The following SEL1L variants were observed in gnomAD, a reference collection of about 807,000 sequenced individuals.
The protein encoded by SEL1L is SEL1L adaptor subunit of SYVN1 ubiquitin ligase.
In SEL1L, 52 loss-of-function variants were observed where a neutral mutation model predicts 109.8. The ratio of observed to expected loss-of-function variants is 0.47; its 90% CI spans 0.38 to 0.60. SEL1L has a LOEUF of 0.60. Ranked by LOEUF, SEL1L falls within the 20% of genes least tolerant of loss-of-function variation. The pLI, the probability that SEL1L is intolerant of heterozygous loss-of-function variation, is 0.00. For missense variants in SEL1L, 749 were observed against 962.2 expected (o/e 0.78, Z 2.93); for synonymous variants, 373 against 339.6 (o/e 1.10, Z -1.08).
rs2140012789 is a variant in SEL1L at position 81,499,611 on chromosome 14, T to C, written c.829A>G (p.Lys277Glu). ...CAATAAAGTTTTAATAGTATTACCT[T>C]TGCCTGACTTGAATTAACACCAAGT... ...SGLGVNSSQA[K>E]ALVYYTFGAL... Residue 277 changes from lysine (K) to glutamate (E), a missense_variant and splice_region_variant, in exon 7 of 21, where the codon AAG becomes GAG. This residue lies in a region of SEL1L where 366 missense variants were observed against 399.8 expected (regional missense o/e 0.92). Coordinates refer to ENST00000336735, the MANE Select transcript of SEL1L (RefSeq NM_005065.6). 6.2e-7 allele frequency: 1 copy of C among 1,611,060 alleles called. No homozygotes were observed. The highest frequency in any genetic ancestry group is 8.5e-7 in the Non-Finnish European group (1 of 1,179,438).
chr14:81,497,571 G>A (rs930311398), intron 10 of SEL1L, among the ~76,000 whole-genome samples: 1 of 152,176 alleles, frequency 6.6e-6, no homozygotes, highest in Non-Finnish European at 1.5e-5. Flanking sequence ...GGTGACTCCA[G>A]TAACAGCCTT....
chr14:81,481,008 C>T (rs1441946644), intron 19 of SEL1L, among the ~76,000 whole-genome samples: 2 of 151,850 alleles, frequency 1.3e-5, no homozygotes, highest in African/African-American at 4.8e-5. Flanking sequence ...GGTGTAGAAA[C>T]CTCAGGGGCT....
intron 2 of SEL1L, 88 bp from the exon 3 acceptor site, chr14:81,527,052 A>G (rs1421808207): frequency 4.3e-6 from 4 of 923,710 alleles, no homozygotes; most frequent in Non-Finnish European, 6.9e-6. Context: ...TCCAGATATC[A>G]CATCTCCTTC....
chr14:81,472,576 A>C lies in SEL1L; in HGVS notation c.*4396T>G. The stretch of plus-strand genomic sequence containing the variant: ...CGTGTCTCTGCAAGTCCTCTTAAAA[A>C]ATTCCTGGGACAAGGCAATGCATAA... On this transcript the variant is annotated 3_prime_UTR_variant, in exon 21 of 21. Coordinates refer to ENST00000336735, the MANE Select transcript of SEL1L (RefSeq NM_005065.6). 2.2e-6 allele frequency: 1 copy of C among 457,912 alleles called. No individual in the cohort carries two copies. The highest frequency in any genetic ancestry group is 4.4e-6 in the Non-Finnish European group (1 of 229,624). The allele number at this position is 457,912 out of a possible 1,614,324, so 28.4% of individuals were successfully genotyped here.
chr14:81,494,696 TC>T (rs774300498), intron 11 of SEL1L, among the ~76,000 whole-genome samples: 3 of 152,222 alleles, frequency 2.0e-5, no homozygotes, highest in Non-Finnish European at 4.4e-5. Flanking sequence ...ACAGAAGTCT[TC>T]CCTGGCAAGC....
At chr14:81,509,988 G>A (rs544288756) in intron 3 of SEL1L, among the ~76,000 whole-genome samples, 40 of 152,318 alleles carry the variant, frequency 2.6e-4, no homozygotes, top group African/African-American at 8.9e-4. Flanking sequence ...CCGGGGCATC[G>A]TCAACACGGA....
At position 81,479,609 on chromosome 14, in the gene SEL1L, T is replaced by TA. The variant is rs756129826; in HGVS notation, c.2175+2dup. ...TTAATGAAAAGAGGTACGGACCACT[T>TA]ACGTTTGTTTCCCGTATGTACTGCA... On this transcript the variant is annotated splice_region_variant and intron_variant, in intron 20 of 20. Transcript: ENST00000336735. 1 of 1,604,634 alleles carries TA rather than the reference T, an allele frequency of 6.2e-7. No homozygotes were observed. The highest frequency in any genetic ancestry group is 8.5e-7 in the Non-Finnish European group (1 of 1,176,980).
rs1595497613 is a variant in SEL1L, at chr14:81,475,054, A to G, written c.*1918T>C. 2 of 152,224 alleles carry G rather than the reference A, an allele frequency of 1.3e-5. No homozygotes were observed. The highest frequency in any genetic ancestry group is 1.3e-4 in the Admixed American group (2 of 15,276). The allele number at this position is 152,224 out of a possible 1,614,324, so 9.4% of individuals were successfully genotyped here. On this transcript the variant is annotated 3_prime_UTR_variant, in exon 21 of 21. Coordinates refer to ENST00000336735, the MANE Select transcript of SEL1L (RefSeq NM_005065.6). Reference sequence around the variant, plus strand: ...TGGTTTTTCAACTTTTAAATAAATTATAACAGTTCCTTCTAAAGGAAGTGT... The same window carrying G: ...TGGTTTTTCAACTTTTAAATAAATTGTAACAGTTCCTTCTAAAGGAAGTGT...
intron 12 of SEL1L, 67 bp downstream of exon 12, chr14:81,492,413 C>T (rs762578147): frequency 1.4e-5 from 16 of 1,124,772 alleles, no homozygotes; most frequent in Non-Finnish European, 1.9e-5. Flanking sequence ...AGATCCTGAA[C>T]ACAATACATG....
chr14:81,504,180 G>A, intron 5 of SEL1L, 21 bp downstream of exon 5: 1 of 1,460,630 alleles, frequency 6.8e-7, no homozygotes, highest in Non-Finnish European at 9.4e-7. Flanking sequence ...GGGGAAAAGT[G>A]GACTTAGCAG....
At position 81,533,843 on chromosome 14, in the gene SEL1L, T is replaced by G. The variant is rs1487832484; in HGVS notation, c.-99A>C. On this transcript the variant is annotated 5_prime_UTR_variant, in exon 1 of 21. Coordinates refer to ENST00000336735, the MANE Select transcript of SEL1L (RefSeq NM_005065.6). ...GCCGCCTCGCCGCTGCTCTTCCTGC[T>G]CTAGTCTCCTTCCTCCGCCCCTTCC... 1 of 1,235,522 alleles carries G rather than the reference T, an allele frequency of 8.1e-7. No individual in the cohort carries two copies. The highest frequency in any genetic ancestry group is 2.0e-5 in the Admixed American group (1 of 50,322). 76.5% of individuals were successfully genotyped at this position (1,235,522 alleles called of 1,614,324 possible). A position where few individuals can be genotyped will look rare whatever the true frequency, so the allele number is the denominator to read the frequency against.
chr14:81,497,839 G>C (rs1350297767), intron 10 of SEL1L, 53 bp downstream of exon 10: 6 of 1,537,564 alleles, frequency 3.9e-6, no homozygotes, highest in African/African-American at 2.8e-5. Flanking sequence ...GTCCCCCACA[G>C]ATTAAAATAT....
intron 3 of SEL1L, among the ~76,000 whole-genome samples, chr14:81,511,079 G>C (rs1353949129): frequency 6.6e-6 from 1 of 152,188 alleles, no homozygotes; most frequent in African/African-American, 2.4e-5. Flanking sequence ...AATACCAATG[G>C]TATGTAATTT....
intron 3 of SEL1L, among the ~76,000 whole-genome samples, chr14:81,524,000 A>G (rs1328980114): frequency 2.6e-5 from 4 of 152,238 alleles, no homozygotes; most frequent in Non-Finnish European, 5.9e-5. Flanking sequence ...TTGCTTGGGC[A>G]CCAAATTTTC....
intron 20 of SEL1L, among the ~76,000 whole-genome samples, chr14:81,478,928 A>G (rs1269239017): frequency 6.6e-6 from 1 of 152,198 alleles, no homozygotes; most frequent in Admixed American, 6.5e-5. Context: ...CCTATGTTAG[A>G]AACAAGGGCT....
In SEL1L at chr14:81,476,987, C is replaced by G; in HGVS notation, c.2370G>C (p.Gln790His). Residue 790 changes from glutamine to histidine, a missense_variant, in exon 21 of 21, where the codon CAG becomes CAC. Around this residue, in one of 2 missense-constraint regions of SEL1L, gnomAD observed 383 missense variants for 562.5 expected, o/e 0.68. Coordinates refer to ENST00000336735, the MANE Select transcript of SEL1L (RefSeq NM_005065.6). Reference protein sequence around the residue: ...APPQQEGPPEQQPPQ With the variant: ...APPQQEGPPEHQPPQ ...CCAGTGCCTATTACTGTGGTGGCTGCTGCTCTGGTGGCCCCTCCTGCTGGG... is the reference window on the plus strand; with the variant it reads ...CCAGTGCCTATTACTGTGGTGGCTGGTGCTCTGGTGGCCCCTCCTGCTGGG... 6.2e-7 allele frequency: 1 copy of G among 1,614,206 alleles called. No homozygotes were observed. Among genetic ancestry groups the G allele is most frequent in the Non-Finnish European group, 8.5e-7 (1 of 1,180,034 alleles).
In SEL1L at chr14:81,479,822, T is replaced by C. The variant is rs546175347; in HGVS notation, c.2047-82A>G. ...TAGTGAACATATTAGACGAATTTAT[T>C]TTACCTTTGAGGTTTTCATTTTAAA... On this transcript the variant is annotated intron_variant, in intron 19 of 20. Coordinates refer to ENST00000336735, the MANE Select transcript of SEL1L (RefSeq NM_005065.6). 86 of 1,254,598 alleles carry C rather than the reference T, an allele frequency of 6.9e-5. No homozygotes were observed. The South Asian group carries it at 1.5e-3, about 22-fold the overall frequency. 77.7% of individuals were successfully genotyped at this position (1,254,598 alleles called of 1,614,324 possible).
intron 1 of SEL1L, among the ~76,000 whole-genome samples, chr14:81,529,182 C>G (rs527781067): frequency 8.5e-5 from 13 of 152,246 alleles, no homozygotes; most frequent in Admixed American, 7.8e-4. Flanking sequence ...TAACAATTGT[C>G]CTTCATGCTA....
rs1424985040 is a variant in SEL1L at position 81,510,510 on chromosome 14, C to CTATATATATATA, written c.341-4270_341-4269insTATATATATATA. Among the ~76,000 whole-genome samples, 53 of 108,382 alleles carry CTATATATATATA rather than the reference C, an allele frequency of 4.9e-4. No individual in the cohort carries two copies. In the East Asian group the frequency reaches 6.8e-3, roughly 14 times the overall value. 71.1% of individuals were successfully genotyped at this position (108,382 alleles called of 152,430 possible). On this transcript the variant is annotated intron_variant, in intron 3 of 20. Transcript: ENST00000336735. ...TCTCTCTCTCTCTCTCTCTCTCTCT[C>CTATATATATATA]TCTCTATATATATATATATAGACAA...
Sources: gnomAD v4.1 joint callset for allele counts (sites outside exome capture counted in the v4.1 genomes callset) on GRCh38, gnomAD v4.1.1 for gene constraint, gnomAD v4.1.1 regional missense constraint, MANE v1.5 for transcripts, NCBI Gene and HGNC (gene_info 2026-07-23, HGNC 2026-07-21) for gene names.